Variants in DMD observed in about 807,000 individuals in gnomAD.
The protein encoded by DMD is dystrophin, also known as mutant dystrophin.
In DMD, 63 loss-of-function variants were observed where a neutral mutation model predicts 330.1. That is an observed-to-expected ratio of 0.19 (90% CI 0.16 to 0.24). The LOEUF is 0.24. DMD is among the 10% of genes least tolerant of loss of function. The probability of loss-of-function intolerance (pLI) is 1.00; values close to 1 mark genes in which losing one functional copy is unlikely to be tolerated. For synonymous variants in DMD, 1,223 were observed against 959.8 expected (o/e 1.27, Z -5.07); for missense variants, 3,344 against 2,684.1 (o/e 1.25, Z -5.43).
rs2091005615 is a variant in DMD, at chrX:32,948,919, A to G, written c.93+71220T>C. On this transcript the variant is annotated intron_variant, in intron 2 of 78. Coordinates refer to ENST00000357033, the MANE Select transcript of DMD (RefSeq NM_004006.3). ...TGTGATTGTCTCAATTTTAGAGACG[A>G]TAAAATTAAAAATAAGAGGTTCTCA... Among the ~76,000 whole-genome samples, 4 of 111,897 alleles carry G rather than the reference A, an allele frequency of 3.6e-5. No homozygotes were observed. In the Admixed American group the frequency reaches 3.8e-4, roughly 11 times the overall value.
chrX:31,608,212 G>A (rs2077706618), intron 55 of DMD, among the ~76,000 whole-genome samples: 1 of 111,429 alleles, frequency 9.0e-6, no homozygotes, highest in African/African-American at 3.3e-5. Context: ...CAGTTCTCCT[G>A]GAAATTCATG....
chrX:32,808,199 G>C (rs1022641011), intron 7 of DMD, among the ~76,000 whole-genome samples: 3 of 111,630 alleles, frequency 2.7e-5, no homozygotes, highest in African/African-American at 9.8e-5. Flanking sequence ...GTGTATAGAA[G>C]CAATAAAAAG....
intron 29 of DMD, among the ~76,000 whole-genome samples, chrX:32,429,387 G>GTTATTTTTTT (rs1191026907): frequency 2.3e-5 from 1 of 44,197 alleles, no homozygotes; most frequent in African/African-American, 1.1e-4. Context: ...TTTTTTTTGG[G>GTTATTTTTTT]TTTTTTTTTT....
At chrX:32,859,498 CACACACACACACAA>C (rs2081903231) in intron 2 of DMD, among the ~76,000 whole-genome samples, 2 of 83,057 alleles carry the variant, frequency 2.4e-5, no homozygotes, top group African/African-American at 1.1e-4. Flanking sequence ...CACACACACA[CACACACACACACAA>C]GTTAAAGTCT....
At chrX:31,649,482 T>C (rs928826102) in intron 54 of DMD, among the ~76,000 whole-genome samples, 7 of 111,768 alleles carry the variant, frequency 6.3e-5, no homozygotes, top group Non-Finnish European at 1.3e-4. Flanking sequence ...GTTACCACTA[T>C]GAACCTTTTA....
At chrX:32,003,705 T>A (rs777589407) in intron 44 of DMD, among the ~76,000 whole-genome samples, 1 of 111,579 alleles carries the variant, frequency 9.0e-6, no homozygotes, top group African/African-American at 3.2e-5. Context: ...TCAACAGTGC[T>A]TTTTCTCATT....
At chrX:32,733,214 T>A (rs2067959746) in intron 7 of DMD, among the ~76,000 whole-genome samples, 1 of 111,350 alleles carries the variant, frequency 9.0e-6, no homozygotes, top group Non-Finnish European at 1.9e-5. Flanking sequence ...AAGAGCTAAC[T>A]ATCCTAAATA....
intron 34 of DMD, among the ~76,000 whole-genome samples, chrX:32,376,982 A>C (rs1484746697): frequency 9.0e-6 from 1 of 111,678 alleles, no homozygotes; most frequent in African/African-American, 3.3e-5. Flanking sequence ...CAAAACCCTA[A>C]AACTTTTGTG....
chrX:33,270,438 C>T (rs1485020620), intron 1 of DMD, among the ~76,000 whole-genome samples: 4 of 111,623 alleles, frequency 3.6e-5, no homozygotes, highest in Admixed American at 9.5e-5. Context: ...AGGAGGCACC[C>T]ACTCATAAAA....
At chrX:32,465,651 T>TCTTG (rs1441030342) in intron 23 of DMD, among the ~76,000 whole-genome samples, 3 of 95,859 alleles carry the variant, frequency 3.1e-5, no homozygotes, top group East Asian at 7.6e-4. Flanking sequence ...AGTGGCACAA[T>TCTTG]CTTGGCTCAC....
chrX:32,429,302 T>G (rs1222917915), intron 29 of DMD, among the ~76,000 whole-genome samples: 1 of 99,128 alleles, frequency 1.0e-5, no homozygotes, highest in Non-Finnish European at 2.0e-5. Context: ...TTCCGTTCCC[T>G]GGGTTCAAGT....
intron 17 of DMD, among the ~76,000 whole-genome samples, chrX:32,522,356 T>A (rs1283879931): frequency 1.8e-5 from 2 of 111,942 alleles, no homozygotes; most frequent in African/African-American, 3.2e-5. Flanking sequence ...TTATCATTTC[T>A]ATCTTTTTTA....
intron 48 of DMD, among the ~76,000 whole-genome samples, chrX:31,840,682 T>C (rs1175008069): frequency 1.8e-5 from 2 of 109,761 alleles, no homozygotes; most frequent in East Asian, 5.7e-4. Context: ...TCTCACAATA[T>C]TTCAAGCTTT....
intron 55 of DMD, among the ~76,000 whole-genome samples, chrX:31,600,102 T>C (rs768783902): frequency 9.0e-6 from 1 of 111,369 alleles, no homozygotes; most frequent in African/African-American, 3.3e-5. Context: ...AGGTACTCTT[T>C]TTGCATTTTT....
At chrX:32,770,221 T>C (rs983254445) in intron 7 of DMD, among the ~76,000 whole-genome samples, 3 of 111,511 alleles carry the variant, frequency 2.7e-5, no homozygotes, top group Non-Finnish European at 5.7e-5. Flanking sequence ...CAAACACTAA[T>C]TGTGGTGGCA....
intron 9 of DMD, among the ~76,000 whole-genome samples, chrX:32,646,597 G>A (rs1211799561): frequency 9.0e-6 from 1 of 111,359 alleles, no homozygotes; most frequent in Non-Finnish European, 1.9e-5. Flanking sequence ...AACCTTTGGT[G>A]GCTTTCCCCT....
At chrX:31,776,146 T>C (rs998305696) in intron 50 of DMD, among the ~76,000 whole-genome samples, 1 of 111,202 alleles carries the variant, frequency 9.0e-6, no homozygotes, top group Non-Finnish European at 1.9e-5. Context: ...GAGCTAAATA[T>C]CCAGAGAGGA....
intron 74 of DMD, among the ~76,000 whole-genome samples, chrX:31,164,548 C>T (rs1374502050): frequency 9.0e-6 from 1 of 111,455 alleles, no homozygotes; most frequent in Non-Finnish European, 1.9e-5. Flanking sequence ...ACAGAACTAC[C>T]GAATCAAACA....
chrX:32,626,468 T>TA (rs913098650), intron 11 of DMD, among the ~76,000 whole-genome samples: 3 of 105,026 alleles, frequency 2.9e-5, no homozygotes, highest in Admixed American at 9.9e-5. Flanking sequence ...AACTCCGTCT[T>TA]AAAAAAATAG....
Sources: gnomAD v4.1 joint callset for allele counts (sites outside exome capture counted in the v4.1 genomes callset) on GRCh38, gnomAD v4.1.1 for gene constraint, MANE v1.5 for transcripts, NCBI Gene and HGNC (gene_info 2026-07-23, HGNC 2026-07-21) for gene names.